ARHGAP15: variants seen among roughly 807,000 people sequenced by gnomAD.
ARHGAP15 encodes rho GTPase-activating protein 15.
Under a neutral mutation model 63.7 loss-of-function variants are expected in ARHGAP15, and 51 were observed. That is an observed-to-expected ratio of 0.80 (90% CI 0.64 to 1.01). The LOEUF (loss-of-function observed/expected upper bound fraction) is 1.01. ARHGAP15 is among the 50% of genes least tolerant of loss of function. ARHGAP15 has a pLI of 0.00. For synonymous variants in ARHGAP15, 191 were observed against 193.8 expected (o/e 0.99, Z 0.12); for missense variants, 560 against 564.6 (o/e 0.99, Z 0.08).
At chr2:143,553,110 G>A (rs968099715) in intron 10 of ARHGAP15, among the ~76,000 whole-genome samples, 4 of 152,158 alleles carry the variant, frequency 2.6e-5, no homozygotes, top group South Asian at 4.1e-4. Flanking sequence ...TTGGGTAATA[G>A]TCCTAGAACT....
At chr2:143,244,724 G>A (rs1293606598) in intron 5 of ARHGAP15, among the ~76,000 whole-genome samples, 1 of 152,118 alleles carries the variant, frequency 6.6e-6, no homozygotes, top group Admixed American at 6.6e-5. Flanking sequence ...AACAATGTGA[G>A]GTTTGTGTCT....
chr2:143,674,473 G>A (rs1270673956), intron 12 of ARHGAP15, among the ~76,000 whole-genome samples: 1 of 152,134 alleles, frequency 6.6e-6, no homozygotes, highest in African/African-American at 2.4e-5. Flanking sequence ...TGAGGGAGAT[G>A]GAGATTGACT....
intron 8 of ARHGAP15, among the ~76,000 whole-genome samples, chr2:143,446,873 G>C (rs1690168022): frequency 1.3e-5 from 2 of 148,440 alleles, no homozygotes; most frequent in African/African-American, 5.0e-5. Flanking sequence ...GTGAGAATAT[G>C]CAGTGTTTGG....
Position 143,497,717 on chromosome 2 carries a change from G to T in ARHGAP15, c.826+10222G>T, listed in dbSNP as rs138311216. ...GGTGATTTCATTGTGTGGCGAGGTG[G>T]ATAACTGAGGGAGAAGAAAGCAGAA... is the stretch of plus-strand genomic sequence containing the variant. On this transcript the variant is annotated intron_variant, in intron 9 of 13. Transcript: ENST00000295095. 2.2e-4 allele frequency among the ~76,000 whole-genome samples: 34 copies of T among 152,306 alleles called. 1 individual carries two copies. The East Asian group carries it at 6.6e-3, about 29-fold the overall frequency.
chr2:143,537,986 C>T (rs1302750589), intron 10 of ARHGAP15, among the ~76,000 whole-genome samples: 12 of 152,124 alleles, frequency 7.9e-5, no homozygotes, highest in South Asian at 2.1e-4. Context: ...GCCATTTTCA[C>T]GATATTGATT....
At chr2:143,266,184 T>C (rs981850468) in intron 6 of ARHGAP15, among the ~76,000 whole-genome samples, 1 of 152,158 alleles carries the variant, frequency 6.6e-6, no homozygotes, top group Non-Finnish European at 1.5e-5. Flanking sequence ...TTTCCCATTG[T>C]TTCCCACTAA....
intron 8 of ARHGAP15, among the ~76,000 whole-genome samples, chr2:143,459,139 CAGATTA>C (rs1229968694): frequency 6.6e-6 from 1 of 151,948 alleles, no homozygotes; most frequent in Non-Finnish European, 1.5e-5. Flanking sequence ...CAAGGGATGC[CAGATTA>C]AGACTTGAAA....
rs1688291201 is a variant in ARHGAP15, at chr2:143,408,105, A to G, written c.475-27496A>G. The stretch of plus-strand genomic sequence containing the variant: ...ATGTCTGTGCCTGTGCCTGAGCCCC[A>G]CACAGAATGCTCTCTGTTCATTAAT... On this transcript the variant is annotated intron_variant, in intron 6 of 13. Coordinates refer to ENST00000295095, the MANE Select transcript of ARHGAP15 (RefSeq NM_018460.4). Among the ~76,000 whole-genome samples, 3 of 146,520 alleles carry G rather than the reference A, an allele frequency of 2.0e-5. 1 individual carries two copies. In the South Asian group the frequency reaches 6.4e-4, roughly 31 times the overall value.
At chr2:143,754,330 G>T (rs1222105908) in intron 13 of ARHGAP15, among the ~76,000 whole-genome samples, 1 of 152,156 alleles carries the variant, frequency 6.6e-6, no homozygotes. Flanking sequence ...TATTCTGCTG[G>T]AGAAAGATAA....
intron 6 of ARHGAP15, among the ~76,000 whole-genome samples, chr2:143,313,548 G>A (rs1683544157): frequency 6.6e-6 from 1 of 152,076 alleles, no homozygotes; most frequent in African/African-American, 2.4e-5. Context: ...ACCATGCTAC[G>A]GGAAAGTGTG....
intron 13 of ARHGAP15, among the ~76,000 whole-genome samples, chr2:143,735,531 C>G (rs1330435647): frequency 6.6e-6 from 1 of 152,208 alleles, no homozygotes; most frequent in Non-Finnish European, 1.5e-5. Flanking sequence ...GTAAGCTTCT[C>G]TCTCACTGTG....
At chr2:143,129,808 G>C (rs557247679) in intron 1 of ARHGAP15, among the ~76,000 whole-genome samples, 58 of 152,222 alleles carry the variant, frequency 3.8e-4, no homozygotes, top group African/African-American at 1.3e-3. Context: ...TTAACCAACT[G>C]TTTTATAAAA....
At chr2:143,758,185 T>C (rs1686644030) in intron 13 of ARHGAP15, among the ~76,000 whole-genome samples, 1 of 151,828 alleles carries the variant, frequency 6.6e-6, no homozygotes, top group Non-Finnish European at 1.5e-5. Context: ...CCGTGATATA[T>C]AGTTAAGGGG....
intron 8 of ARHGAP15, among the ~76,000 whole-genome samples, chr2:143,470,892 TTATG>T (rs1341709330): frequency 6.0e-5 from 9 of 149,372 alleles, no homozygotes; most frequent in African/African-American, 2.0e-4. Flanking sequence ...ACACGTATAT[TTATG>T]TGTGTATATA....
intron 12 of ARHGAP15, among the ~76,000 whole-genome samples, chr2:143,689,370 A>G (rs1362464660): frequency 6.6e-6 from 1 of 152,056 alleles, no homozygotes; most frequent in Admixed American, 6.6e-5. Context: ...ATTTTATTAG[A>G]GATACTAAGT....
intron 13 of ARHGAP15, among the ~76,000 whole-genome samples, chr2:143,747,570 GTTCTTT>G (rs1559158722): frequency 6.6e-6 from 1 of 152,068 alleles, no homozygotes; most frequent in East Asian, 1.9e-4. Flanking sequence ...TGCAACCACT[GTTCTTT>G]TTCTGTCTCC....
intron 6 of ARHGAP15, among the ~76,000 whole-genome samples, chr2:143,407,716 C>T (rs1373654620): frequency 2.0e-5 from 3 of 151,350 alleles, no homozygotes; most frequent in African/African-American, 7.3e-5. Context: ...TTTACCCTAC[C>T]TGTCATTGTA....
intron 7 of ARHGAP15, 47 bp downstream of exon 7, chr2:143,435,746 A>G (rs752164496): frequency 1.3e-6 from 2 of 1,563,424 alleles, no homozygotes; most frequent in Non-Finnish European, 1.7e-6. Context: ...AAATGTAGTC[A>G]TTTAAATCTT....
At chr2:143,330,121 AAAAAAAAAAAC>A (rs1684466068) in intron 6 of ARHGAP15, among the ~76,000 whole-genome samples, 4 of 87,264 alleles carry the variant, frequency 4.6e-5, no homozygotes, top group South Asian at 3.5e-4. Flanking sequence ...AAAAAAAAAA[AAAAAAAAAAAC>A]CAAAAACAAA....
Sources: allele counts gnomAD v4.1 joint callset (sites outside exome capture counted in the v4.1 genomes callset), GRCh38; gene constraint gnomAD v4.1.1; transcripts MANE v1.5; gene names NCBI Gene and HGNC (gene_info 2026-07-23, HGNC 2026-07-21).